Variants in QKI observed in about 807,000 individuals in gnomAD.
QKI encodes QKI, KH domain containing RNA binding, also known as KH domain-containing RNA-binding protein QKI.
A neutral mutation model predicts 39.0 loss-of-function variants in QKI; 10 were observed. The observed-to-expected ratio is 0.26, with a 90% confidence interval of 0.16 to 0.43. The LOEUF (loss-of-function observed/expected upper bound fraction) is 0.43. QKI is among the 20% of genes least tolerant of loss of function. The pLI is 1.00. For synonymous variants in QKI, 204 were observed against 155.4 expected (o/e 1.31, Z -2.33); for missense variants, 218 against 428.0 (o/e 0.51, Z 4.33).
intron 2 of QKI, among the ~76,000 whole-genome samples, chr6:163,474,788 A>T (rs1262541506): frequency 1.1e-4 from 3 of 26,098 alleles, no homozygotes; most frequent in Non-Finnish European, 2.2e-4. Flanking sequence ...CAAAAAAGTT[A>T]AAAAAAAAAA....
intron 3 of QKI, among the ~76,000 whole-genome samples, chr6:163,521,472 A>G (rs1780151573): frequency 6.6e-6 from 1 of 152,192 alleles, no homozygotes; most frequent in South Asian, 2.1e-4. Context: ...AAAGGTTGAA[A>G]GTCATTACCA....
chr6:163,514,387 T>G (rs1248196101), intron 3 of QKI, among the ~76,000 whole-genome samples: 1 of 152,168 alleles, frequency 6.6e-6, no homozygotes, highest in Admixed American at 6.6e-5. Context: ...ATCTTAAAGA[T>G]ATGTATTTTC....
At chr6:163,557,840 G>A (rs1050023988) in intron 4 of QKI, among the ~76,000 whole-genome samples, 10 of 151,134 alleles carry the variant, frequency 6.6e-5, no homozygotes, top group Admixed American at 1.3e-4. Flanking sequence ...AAGAAATATC[G>A]TGACTGGATA....
chr6:163,570,849 A>G lies in QKI; in HGVS notation c.*139A>G, dbSNP rs1783664472. On this transcript the variant is annotated 3_prime_UTR_variant, in exon 8 of 8. Coordinates refer to ENST00000361752, the MANE Select transcript of QKI (RefSeq NM_006775.3). ...GAGGCACTTGTCCGTTCGTCTTACCATCTAACCAAACAAAAGACAAAGAAA... is the reference window on the plus strand; with the variant it reads ...GAGGCACTTGTCCGTTCGTCTTACCGTCTAACCAAACAAAAGACAAAGAAA... The G allele has an allele frequency of 2.6e-6, 3 of 1,164,460 alleles. No homozygotes were observed. Among genetic ancestry groups the G allele is most frequent in the Non-Finnish European group, 2.4e-6 (2 of 842,434 alleles). The allele number at this position is 1,164,460 out of a possible 1,614,324, so 72.1% of individuals were successfully genotyped here. A position where few individuals can be genotyped will look rare whatever the true frequency, so the allele number is the denominator to read the frequency against.
At chr6:163,483,582 A>C (rs2128226666) in intron 3 of QKI, among the ~76,000 whole-genome samples, 1 of 152,322 alleles carries the variant, frequency 6.6e-6, no homozygotes, top group Middle Eastern at 3.4e-3. Flanking sequence ...CATCCATAAG[A>C]AGCAACTCCT....
intron 4 of QKI, among the ~76,000 whole-genome samples, chr6:163,537,474 A>G (rs192019545): frequency 2.0e-5 from 3 of 152,328 alleles, no homozygotes; most frequent in Admixed American, 1.3e-4. Flanking sequence ...TTAGTTTATC[A>G]TTGCCTAAAT....
At position 163,441,113 on chromosome 6, in the gene QKI, T is replaced by C. The variant is rs182489764; in HGVS notation, c.143-14166T>C. Among the ~76,000 whole-genome samples, 16 of 152,290 alleles carry C rather than the reference T, an allele frequency of 1.1e-4. No individual in the cohort carries two copies. In the East Asian group the frequency reaches 2.7e-3, roughly 26 times the overall value. ...AATCCTGGCAGGAGCAGCCTTTTCC[T>C]TATTGGCTCGGTTTTTTTCTTAAAG... On this transcript the variant is annotated intron_variant, in intron 1 of 7. Coordinates refer to ENST00000361752, the MANE Select transcript of QKI (RefSeq NM_006775.3).
chr6:163,508,835 AC>A (rs566315430), intron 3 of QKI, among the ~76,000 whole-genome samples: 1 of 151,126 alleles, frequency 6.6e-6, no homozygotes, highest in Non-Finnish European at 1.5e-5. Context: ...GGGCACTTTT[AC>A]CTTTTTAAAG....
chr6:163,495,936 CTT>C (rs1198737640), intron 3 of QKI, among the ~76,000 whole-genome samples: 2 of 152,280 alleles, frequency 1.3e-5, no homozygotes, highest in African/African-American at 4.8e-5. Context: ...GTAAAGGTAA[CTT>C]TTTCTCCTTT....
intron 3 of QKI, among the ~76,000 whole-genome samples, chr6:163,480,472 T>G (rs571313768): frequency 2.9e-4 from 44 of 152,218 alleles, no homozygotes; most frequent in Admixed American, 4.6e-4. Context: ...TCACATAAGC[T>G]GACTGGATCT....
chr6:163,474,128 T>C (rs949037180), intron 2 of QKI, among the ~76,000 whole-genome samples: 1 of 152,134 alleles, frequency 6.6e-6, no homozygotes, highest in Non-Finnish European at 1.5e-5. Flanking sequence ...AATTTAGATA[T>C]CCACTTGTAG....
chr6:163,445,230 A>T (rs1275682245), intron 1 of QKI, among the ~76,000 whole-genome samples: 1 of 151,990 alleles, frequency 6.6e-6, no homozygotes, highest in African/African-American at 2.4e-5. Context: ...GGAAATGAGT[A>T]TTGATACAGT....
chr6:163,576,018 T>A lies in QKI; in HGVS notation c.*5308T>A, dbSNP rs990779490. On this transcript the variant is annotated 3_prime_UTR_variant, in exon 8 of 8. Coordinates refer to ENST00000361752, the MANE Select transcript of QKI (RefSeq NM_006775.3). ...CAAATGATTATTTATTTAGCAAAAA[T>A]TATTCTCCAACTTTTCGAATTCACA... 2.0e-5 allele frequency: 3 copies of A among 152,204 alleles called. No individual in the cohort carries two copies. Among genetic ancestry groups the A allele is most frequent in the African/African-American group, 7.2e-5 (3 of 41,466 alleles). 9.4% of individuals were successfully genotyped at this position (152,204 alleles called of 1,614,324 possible).
chr6:163,433,951 T>C (rs1789042053), intron 1 of QKI, among the ~76,000 whole-genome samples: 1 of 152,244 alleles, frequency 6.6e-6, no homozygotes, highest in African/African-American at 2.4e-5. Flanking sequence ...TATACTATTT[T>C]TCTATTCTGT....
At chr6:163,516,153 A>T (rs1779781155) in intron 3 of QKI, among the ~76,000 whole-genome samples, 1 of 152,156 alleles carries the variant, frequency 6.6e-6, no homozygotes, top group Admixed American at 6.5e-5. Flanking sequence ...AGTGCAGGCA[A>T]TTTTTAGAAA....
intron 4 of QKI, among the ~76,000 whole-genome samples, chr6:163,561,244 A>C (rs1001130562): frequency 1.3e-5 from 2 of 152,182 alleles, no homozygotes; most frequent in African/African-American, 4.8e-5. Flanking sequence ...ATTTGTGTGC[A>C]CATGTGCACG....
chr6:163,532,483 A>C (rs1780926986), intron 3 of QKI, among the ~76,000 whole-genome samples: 1 of 151,974 alleles, frequency 6.6e-6, no homozygotes, highest in Non-Finnish European at 1.5e-5. Context: ...AATATCTTTG[A>C]GCTTTGTCCT....
chr6:163,448,499 G>A (rs181356442), intron 1 of QKI, among the ~76,000 whole-genome samples: 5 of 152,174 alleles, frequency 3.3e-5, no homozygotes, highest in African/African-American at 7.2e-5. Flanking sequence ...AGGCCAAGGC[G>A]GGTGGATCAC....
intron 3 of QKI, among the ~76,000 whole-genome samples, chr6:163,479,289 A>T (rs1230647468): frequency 6.6e-6 from 1 of 152,178 alleles, no homozygotes; most frequent in Non-Finnish European, 1.5e-5. Flanking sequence ...TCAAAAACGA[A>T]CAAACAAACC....
Sources: gnomAD v4.1 joint callset for allele counts (sites outside exome capture counted in the v4.1 genomes callset) on GRCh38, gnomAD v4.1.1 for gene constraint, MANE v1.5 for transcripts, NCBI Gene and HGNC (gene_info 2026-07-23, HGNC 2026-07-21) for gene names.